Variants in UTP20 observed in about 807,000 individuals in gnomAD.
UTP20 encodes small subunit processome component 20 homolog.
In UTP20, 164 loss-of-function variants were observed where a neutral mutation model predicts 329.5. The ratio of observed to expected loss-of-function variants is 0.50; its 90% CI spans 0.44 to 0.57. The LOEUF is 0.57. Among genes scored for constraint, UTP20 ranks in the 20% least tolerant of loss-of-function variants. The pLI is 0.00. For missense variants in UTP20, 3,055 were observed against 3,284.2 expected (o/e 0.93, Z 1.71); for synonymous variants, 1,151 against 1,159.3 (o/e 0.99, Z 0.14).
At chr12:101,318,895 G>A (rs538654326) in intron 22 of UTP20, among the ~76,000 whole-genome samples, 43 of 148,764 alleles carry the variant, frequency 2.9e-4, no homozygotes, top group Non-Finnish European at 6.1e-4. Flanking sequence ...AAGTTTGCCA[G>A]ACAGCTAGAA....
At chr12:101,371,597 G>A (rs1303533519) in intron 51 of UTP20, among the ~76,000 whole-genome samples, 1 of 135,014 alleles carries the variant, frequency 7.4e-6, no homozygotes, top group African/African-American at 2.9e-5. Context: ...GCAGTGGCGC[G>A]ATCTCGGCTC....
chr12:101,336,307 AT>A (rs1279728745), intron 29 of UTP20, among the ~76,000 whole-genome samples: 1 of 152,190 alleles, frequency 6.6e-6, no homozygotes, highest in Non-Finnish European at 1.5e-5. Flanking sequence ...AAAAATTTAG[AT>A]TTTGAAGTGT....
chr12:101,358,116 A>G (rs1444476481), intron 43 of UTP20, among the ~76,000 whole-genome samples: 1 of 152,244 alleles, frequency 6.6e-6, no homozygotes, highest in African/African-American at 2.4e-5. Flanking sequence ...TTGATGGGTA[A>G]GGTTCCTAGT....
intron 30 of UTP20, 22 bp downstream of exon 30, chr12:101,338,299 A>G (rs770080821): frequency 6.2e-7 from 1 of 1,609,304 alleles, no homozygotes; most frequent in South Asian, 1.1e-5. Context: ...GACAAAGCAG[A>G]TAATTCTTAG....
chr12:101,378,691 C>A (rs576763082), intron 56 of UTP20, among the ~76,000 whole-genome samples: 1 of 151,908 alleles, frequency 6.6e-6, no homozygotes, highest in East Asian at 1.9e-4. Flanking sequence ...TGCACTCCAG[C>A]CTGGGCAATG....
rs754533290 is a variant in UTP20 at position 101,290,154 on chromosome 12, A to G, written c.615A>G (p.Ala205=). The G allele has an allele frequency of 6.3e-7, 1 of 1,593,460 alleles. No individual in the cohort carries two copies. Among genetic ancestry groups the G allele is most frequent in the South Asian group, 1.1e-5 (1 of 87,504 alleles). ...TATTTTAGGTCTCTGATAAAAACGC[A>G]CTTTTCAATTTAATGTTTCTTGATC... is the stretch of plus-strand genomic sequence containing the variant. ...FLMRKVSDKN[A]LFNLMFLDLD... Residue 205 remains alanine (A), a synonymous_variant, in exon 7 of 62, where the codon GCA becomes GCG. Coordinates refer to ENST00000261637, the MANE Select transcript of UTP20 (RefSeq NM_014503.3).
chr12:101,383,416 A>G, intron 59 of UTP20, 103 bp downstream of exon 59: 1 of 1,485,722 alleles, frequency 6.7e-7, no homozygotes. Flanking sequence ...TTATCTTTGA[A>G]CCCCAAACTG....
intron 32 of UTP20, 73 bp downstream of exon 32, chr12:101,340,683 A>G (rs942827686): frequency 6.6e-6 from 6 of 909,598 alleles, no homozygotes; most frequent in African/African-American, 5.0e-5. Flanking sequence ...GCGAGCAGCA[A>G]TTTTACTGGC....
intron 56 of UTP20, among the ~76,000 whole-genome samples, chr12:101,378,284 T>C (rs1439374553): frequency 6.6e-6 from 1 of 152,162 alleles, no homozygotes; most frequent in Non-Finnish European, 1.5e-5. Flanking sequence ...AGATAATACA[T>C]GTAACACAAT....
intron 14 of UTP20, among the ~76,000 whole-genome samples, chr12:101,301,426 G>T (rs1469984190): frequency 6.6e-6 from 1 of 152,198 alleles, no homozygotes; most frequent in African/African-American, 2.4e-5. Context: ...CCAGCACTTT[G>T]CGAGGCCGAA....
chr12:101,355,772 A>C (rs1165180459), intron 41 of UTP20, among the ~76,000 whole-genome samples: 2 of 152,142 alleles, frequency 1.3e-5, no homozygotes, highest in Non-Finnish European at 2.9e-5. Flanking sequence ...TATATTTTGT[A>C]TATTTGTAAA....
intron 44 of UTP20, among the ~76,000 whole-genome samples, chr12:101,362,363 A>G (rs1869956154): frequency 6.6e-6 from 1 of 152,216 alleles, no homozygotes; most frequent in African/African-American, 2.4e-5. Flanking sequence ...GAAATAAGTT[A>G]TGTTCACAGG....
At chr12:101,302,419 T>C (rs754636223) in intron 14 of UTP20, 29 bp from the exon 15 acceptor site, 170 of 1,319,812 alleles carry the variant, frequency 1.3e-4, no homozygotes, top group Admixed American at 4.2e-4. Flanking sequence ...AAATAAGTAA[T>C]GTGGTTTCTC....
At chr12:101,383,438 TC>T in intron 59 of UTP20, 104 bp from the exon 60 acceptor site, 5 of 1,507,570 alleles carry the variant, frequency 3.3e-6, no homozygotes, top group Non-Finnish European at 4.5e-6. Context: ...AGCAATAACA[TC>T]CGTCCCAAAA....
In UTP20 at chr12:101,280,149, C is replaced by T. The variant is rs1451488073; in HGVS notation, c.-134C>T. 8.2e-6 allele frequency: 10 copies of T among 1,215,782 alleles called. No homozygotes were observed. In the Admixed American group the frequency reaches 1.5e-4, roughly 19 times the overall value. The allele number at this position is 1,215,782 out of a possible 1,614,324, so 75.3% of individuals were successfully genotyped here. ...TCCAACATGGCGGCGCCCAGGGGCT[C>T]AAGCCGCACGTGAGAAAGTCTGGGC... is the stretch of plus-strand genomic sequence containing the variant. On this transcript the variant is annotated 5_prime_UTR_variant, in exon 1 of 62. Coordinates refer to ENST00000261637, the MANE Select transcript of UTP20 (RefSeq NM_014503.3).
At position 101,383,283 on chromosome 12, in the gene UTP20, A is replaced by G; in HGVS notation, c.7899A>G (p.Glu2633=). 1 of 1,614,108 alleles carries G rather than the reference A, an allele frequency of 6.2e-7. No individual in the cohort carries two copies. The highest frequency in any genetic ancestry group is 8.5e-7 in the Non-Finnish European group (1 of 1,180,026). ...IQKLSRIAKL[E]AAYSPRNPLK... is the part of the protein sequence containing the mutation. The stretch of plus-strand genomic sequence containing the variant: ...AGCTGTCCCGGATTGCAAAACTGGA[A>G]GCTGCTTATTCGCCGAGAAACCCCT... Residue 2633 remains glutamate (E), a synonymous_variant, in exon 59 of 62, where the codon GAA becomes GAG. Coordinates refer to ENST00000261637, the MANE Select transcript of UTP20 (RefSeq NM_014503.3).
At position 101,295,529 on chromosome 12, in the gene UTP20, A is replaced by T. The variant is rs1453314070; in HGVS notation, c.1301A>T (p.Asp434Val). 1.2e-6 allele frequency: 2 copies of T among 1,611,820 alleles called. No homozygotes were observed. Among genetic ancestry groups the T allele is most frequent in the Admixed American group, 3.3e-5 (2 of 59,940 alleles). Residue 434 changes from aspartate (D) to valine (V), a missense_variant, in exon 12 of 62, where the codon GAT becomes GTT. Transcript: ENST00000261637. ...LSYIVNCFLI[D>V]DAVVKDEALA... Reference sequence around the variant, plus strand: ...TATATTGTGAATTGCTTCTTAATTGATGATGCTGTAGTCAAAGATGAAGCT... The same window carrying T: ...TATATTGTGAATTGCTTCTTAATTGTTGATGCTGTAGTCAAAGATGAAGCT...
chr12:101,317,452 A>G, intron 21 of UTP20, 26 bp from the exon 22 acceptor site: 1 of 1,611,016 alleles, frequency 6.2e-7, no homozygotes, highest in Non-Finnish European at 8.5e-7. Flanking sequence ...CTTCATCAGT[A>G]TCCTGTGACT....
In UTP20 at chr12:101,308,302, G is replaced by T; in HGVS notation, c.2113G>T (p.Asp705Tyr). Reference sequence around the variant, plus strand: ...TCTTCATTTGAGAAAACTAAGACATGATGTGGTACAGACTGCTGTCCCTGA... The same window carrying T: ...TCTTCATTTGAGAAAACTAAGACATTATGTGGTACAGACTGCTGTCCCTGA... ...KLLHLRKLRH[D>Y]VVQTAVPDGP... Residue 705 changes from aspartate to tyrosine, a missense_variant, in exon 18 of 62, where the codon GAT (aspartate) becomes TAT (tyrosine). Physicochemically the swap from Asp to Tyr is radical, Grantham distance 160. This residue lies in a region of UTP20 where 2,445 missense variants were observed against 2,575.5 expected (regional missense o/e 0.95). Transcript: ENST00000261637. 1.2e-6 allele frequency: 2 copies of T among 1,611,236 alleles called. No individual in the cohort carries two copies. Among genetic ancestry groups the T allele is most frequent in the South Asian group, 2.2e-5 (2 of 90,650 alleles).
Sources: gnomAD v4.1 joint callset for allele counts (sites outside exome capture counted in the v4.1 genomes callset) on GRCh38, gnomAD v4.1.1 for gene constraint, gnomAD v4.1.1 regional missense constraint, MANE v1.5 for transcripts, NCBI Gene and HGNC (gene_info 2026-07-23, HGNC 2026-07-21) for gene names.